Variants in PNPLA6 observed in about 807,000 individuals in gnomAD.
The protein encoded by PNPLA6 is patatin like domain 6, lysophospholipase, also known as patatin-like phospholipase domain-containing protein 6.
In PNPLA6, 105 loss-of-function variants were observed where a neutral mutation model predicts 153.7. The observed-to-expected ratio is 0.68, with a 90% confidence interval of 0.58 to 0.80. The LOEUF (loss-of-function observed/expected upper bound fraction) is 0.80. PNPLA6 is among the 30% of genes least tolerant of loss of function. The pLI is 0.00. For synonymous variants in PNPLA6, 825 were observed against 822.2 expected, an observed-to-expected ratio of 1.00 and a Z score of -0.06; for missense variants, 1,423 against 1,919.3, an observed-to-expected ratio of 0.74 and a Z score of 4.83.
intron 17 of PNPLA6, 94 bp from the exon 18 acceptor site, chr19:7,551,268 C>T: frequency 3.0e-6 from 4 of 1,330,052 alleles, no homozygotes; most frequent in Admixed American, 1.7e-5. Context: ...ACCCAGGTAA[C>T]GGGCACCCAG....
chr19:7,559,050 C>T lies in PNPLA6; in HGVS notation c.3598C>T (p.Arg1200Trp), dbSNP rs754590075. Residue 1200 changes from arginine (R) to tryptophan (W), a missense_variant, in exon 28 of 32, where the codon CGG (arginine) becomes TGG (tryptophan). Physicochemically the swap from Arg to Trp is moderately radical, Grantham distance 101 (BLOSUM62 -3). Transcript: ENST00000600737. Reference protein sequence around the residue: ...QSRLAYVSCVRQLEVVKSSSY... With the variant: ...QSRLAYVSCVWQLEVVKSSSY... ...CCGCCTGGCCTACGTGTCCTGTGTG[C>T]GGCAGCTAGAGGTTGTCAAGTCCAG... The T allele has an allele frequency of 6.2e-7, 1 of 1,614,138 alleles. No individual in the cohort carries two copies. Among genetic ancestry groups the T allele is most frequent in the Non-Finnish European group, 8.5e-7 (1 of 1,179,980 alleles).
At position 7,541,450 on chromosome 19, in the gene PNPLA6, G is replaced by A. The variant is rs759431328; in HGVS notation, c.1005+16G>A. ...CTTCAGCCACGTGAGTGGGTGGCGG[G>A]GAGCGAGCACAGGGGGGATGGGGGC... is the stretch of plus-strand genomic sequence containing the variant. On this transcript the variant is annotated intron_variant, in intron 8 of 31. Coordinates refer to ENST00000600737, the MANE Select transcript of PNPLA6 (RefSeq NM_001166114.2). The surrounding 1 kb of genome is among the most constrained non-coding windows in gnomAD (Gnocchi z 5.2). 1.2e-6 allele frequency: 2 copies of A among 1,613,484 alleles called. No individual in the cohort carries two copies. The highest frequency in any genetic ancestry group is 1.1e-5 in the South Asian group (1 of 91,068).
In PNPLA6 at chr19:7,558,936, G is replaced by C; in HGVS notation, c.3484G>C (p.Asp1162His). 6.2e-7 allele frequency: 1 copy of C among 1,614,148 alleles called. No individual in the cohort carries two copies. Among genetic ancestry groups the C allele is most frequent in the Non-Finnish European group, 8.5e-7 (1 of 1,179,992 alleles). ...TGAGACGGACCTCAGCACCTACGGG[G>C]ACAGCCTGTCCGGCTGGTGGCTGCT... The part of the protein sequence containing the change: ...QDETDLSTYG[D>H]SLSGWWLLWK... The change falls in exon 28 of 32, where the codon GAC becomes CAC. Residue 1162 changes from aspartate to histidine, a missense_variant. Coordinates refer to ENST00000600737, the MANE Select transcript of PNPLA6 (RefSeq NM_001166114.2).
rs748165089 is a variant in PNPLA6, at chr19:7,542,997, A to G, written c.1531-10A>G. 2 of 1,613,476 alleles carry G rather than the reference A, an allele frequency of 1.2e-6. No homozygotes were observed. Among genetic ancestry groups the G allele is most frequent in the South Asian group, 2.2e-5 (2 of 91,062 alleles). On this transcript the variant is annotated splice_polypyrimidine_tract_variant and intron_variant, in intron 12 of 31. Coordinates refer to ENST00000600737, the MANE Select transcript of PNPLA6 (RefSeq NM_001166114.2). The stretch of plus-strand genomic sequence containing the variant: ...TGGCTGCGCCCATCTCAACCCCCCT[A>G]CCTCCCCAGGACCCCTCCCTCCTGA...
At chr19:7,546,170 C>T (rs756823198) in intron 13 of PNPLA6, among the ~76,000 whole-genome samples, 1 of 151,962 alleles carries the variant, frequency 6.6e-6, no homozygotes, top group Non-Finnish European at 1.5e-5. Context: ...TCATTCTAGG[C>T]AGAAGGAAGA....
At chr19:7,556,318 C>T in intron 24 of PNPLA6, 135 bp from the exon 25 acceptor site, 2 of 761,442 alleles carry the variant, frequency 2.6e-6, no homozygotes. Context: ...CCGCCTTGGC[C>T]TCCAAAGTGC....
rs1465310801 is a variant in PNPLA6 at position 7,541,868 on chromosome 19, G to T, written c.1169-116G>T. On this transcript the variant is annotated intron_variant, in intron 9 of 31. Coordinates refer to ENST00000600737, the MANE Select transcript of PNPLA6 (RefSeq NM_001166114.2). This position sits in a 1 kb window ranked among gnomAD's most constrained non-coding sequence, Gnocchi z 5.2. ...AGGAAGCTGTGGCCTCGTCCCCAAG[G>T]GCCCATTGGAATTGCTTTAACTAGT... 1.8e-6 allele frequency: 2 copies of T among 1,120,428 alleles called. No individual in the cohort carries two copies. The highest frequency in any genetic ancestry group is 2.7e-6 in the Non-Finnish European group (2 of 749,932). The allele number at this position is 1,120,428 out of a possible 1,614,324, so 69.4% of individuals were successfully genotyped here.
intron 10 of PNPLA6, 34 bp from the exon 11 acceptor site, chr19:7,542,527 T>G: frequency 4.0e-6 from 6 of 1,485,330 alleles, no homozygotes; most frequent in Non-Finnish European, 5.6e-6. Flanking sequence ...ACTCTCATCT[T>G]TATGGTTTTT....
At position 7,547,987 on chromosome 19, in the gene PNPLA6, G is replaced by A. The variant is rs377180047; in HGVS notation, c.1609-1920G>A. 4.1e-4 allele frequency among the ~76,000 whole-genome samples: 61 copies of A among 147,504 alleles called. No homozygotes were observed. The East Asian group carries it at 0.01, about 25-fold the overall frequency. ...CCCTTCAGTATACTTTAAATCAGGG[G>A]TGTCCAATCTTTTGGCTTCCCTGGG... is the stretch of plus-strand genomic sequence containing the variant. On this transcript the variant is annotated intron_variant, in intron 13 of 31. Coordinates refer to ENST00000600737, the MANE Select transcript of PNPLA6 (RefSeq NM_001166114.2).
In PNPLA6 at chr19:7,542,665, G is replaced by A. The variant is rs761591000; in HGVS notation, c.1357G>A (p.Ala453Thr). ...EASGGSLAAP[A>T]RTPTQEPREQ... The stretch of plus-strand genomic sequence containing the variant: ...CTCCGGGGGGTCCCTGGCAGCCCCC[G>A]CTCGGGTAAGGCTTGGGACCCTGCC... The change falls in exon 11 of 32, where the codon GCT (alanine) becomes ACT (threonine). Residue 453 changes from alanine to threonine, a missense_variant. Physicochemically the swap from Ala to Thr is moderately conservative, Grantham distance 58. Transcript: ENST00000600737. 9.5e-5 allele frequency: 153 copies of A among 1,612,646 alleles called. No homozygotes were observed. In the Admixed American group the frequency reaches 2.1e-3, roughly 22 times the overall value.
In PNPLA6 at chr19:7,555,059, G is replaced by A; in HGVS notation, c.2801G>A (p.Arg934His). 1 of 1,592,592 alleles carries A rather than the reference G, an allele frequency of 6.3e-7. No individual in the cohort carries two copies. The highest frequency in any genetic ancestry group is 8.5e-7 in the Non-Finnish European group (1 of 1,177,826). Residue 934 changes from arginine (R) to histidine (H), a missense_variant, in exon 22 of 32, where the codon CGC becomes CAC. This residue lies in a region of PNPLA6 where 643 missense variants were observed against 835.2 expected (regional missense o/e 0.77). Coordinates refer to ENST00000600737, the MANE Select transcript of PNPLA6 (RefSeq NM_001166114.2). The surrounding 1 kb of genome is among the most constrained non-coding windows in gnomAD (Gnocchi z 6.3). ...LRCPRRLFSR[R>H]SPAKLHELYE... ...TGTCCGCGCCGCCTCTTTTCGCGCCGCAGCCCTGCCAAGCTGGTGAGGAGC... is the reference window on the plus strand; with the variant it reads ...TGTCCGCGCCGCCTCTTTTCGCGCCACAGCCCTGCCAAGCTGGTGAGGAGC...
chr19:7,535,531 C>T (rs1200160490), upstream of PNPLA6: 2 of 1,596,658 alleles, frequency 1.3e-6, no homozygotes, highest in Non-Finnish European at 1.7e-6. The surrounding 1 kb of genome is among the most constrained non-coding windows in gnomAD (Gnocchi z 5.0). Context: ...CCAGATCGGC[C>T]GTCCAGCTGG....
At chr19:7,556,197 G>C (rs2023873765) in intron 24 of PNPLA6, among the ~76,000 whole-genome samples, 1 of 151,094 alleles carries the variant, frequency 6.6e-6, no homozygotes, top group African/African-American at 2.4e-5. Context: ...TGAGTAGCTG[G>C]GATTACAGGC....
chr19:7,535,301 C>A, upstream of PNPLA6: 1 of 602,204 alleles, frequency 1.7e-6, no homozygotes, highest in East Asian at 2.8e-5. The surrounding 1 kb of genome is among the most constrained non-coding windows in gnomAD (Gnocchi z 5.0). Flanking sequence ...GCCGGGGACC[C>A]GCCTCATCTC....
chr19:7,557,208 G>A lies in PNPLA6; in HGVS notation c.3321G>A (p.Ser1107=), dbSNP rs780368850. ...WRYVRASMTL[S]GYLPPLCDPK... Reference sequence around the variant, plus strand: ...ACGTGCGCGCCAGCATGACGCTGTCGGGCTACCTGCCCCCGCTGTGCGACC... The same window carrying A: ...ACGTGCGCGCCAGCATGACGCTGTCAGGCTACCTGCCCCCGCTGTGCGACC... Residue 1107 remains serine (S), a synonymous_variant, in exon 27 of 32, where the codon TCG becomes TCA. Transcript: ENST00000600737. 2.8e-5 allele frequency: 45 copies of A among 1,606,702 alleles called. No individual in the cohort carries two copies. The highest frequency in any genetic ancestry group is 3.7e-5 in the Non-Finnish European group (44 of 1,177,796).
intron 13 of PNPLA6, among the ~76,000 whole-genome samples, chr19:7,548,575 T>C (rs941094825): frequency 6.6e-6 from 1 of 152,078 alleles, no homozygotes; most frequent in Middle Eastern, 3.2e-3. Context: ...AAATGCTATG[T>C]AAATAGTCAT....
At chr19:7,550,166 G>A (rs962918935) in intron 14 of PNPLA6, 54 bp downstream of exon 14, 2 of 1,609,746 alleles carry the variant, frequency 1.2e-6, no homozygotes, top group East Asian at 4.5e-5. Context: ...CCCAACCCGT[G>A]GGAGTGGCCA....
Position 7,539,966 on chromosome 19 carries a change from C to G in PNPLA6, c.462C>G (p.Pro154=). 1 of 1,574,478 alleles carries G rather than the reference C, an allele frequency of 6.4e-7. No individual in the cohort carries two copies. The highest frequency in any genetic ancestry group is 8.6e-7 in the Non-Finnish European group (1 of 1,160,348). The stretch of plus-strand genomic sequence containing the variant: ...CGCCCACGCTGCAGCGGAAGGAGCC[C>G]CCGCCCGCAGTGCTAGAAGCTGACC... The part of the protein sequence containing the change: ...KETPTLQRKE[P]PPAVLEADLT... Residue 154 remains proline, a synonymous_variant, in exon 4 of 32, where the codon CCC becomes CCG. Transcript: ENST00000600737.
In PNPLA6 at chr19:7,542,086, G is replaced by T. The variant is rs1316883749; in HGVS notation, c.1252+19G>T. 13 of 1,594,380 alleles carry T rather than the reference G, an allele frequency of 8.2e-6. No individual in the cohort carries two copies. The highest frequency in any genetic ancestry group is 1.1e-5 in the Non-Finnish European group (13 of 1,172,196). The stretch of plus-strand genomic sequence containing the variant: ...ATCTCAGGTTTGGAGCACTGGGTCT[G>T]CGGGGAGGGCCATGGAGCTTCCAGG... On this transcript the variant is annotated intron_variant, in intron 10 of 31. Transcript: ENST00000600737.
Sources: allele counts gnomAD v4.1 joint callset (sites outside exome capture counted in the v4.1 genomes callset), GRCh38; gene constraint gnomAD v4.1.1; regional missense constraint gnomAD v4.1.1; non-coding constraint Gnocchi (gnomAD v3.1); transcripts MANE v1.5; gene names NCBI Gene and HGNC (gene_info 2026-07-23, HGNC 2026-07-21).